MAGOHB: variants seen among roughly 807,000 people sequenced by gnomAD.
MAGOHB encodes the protein mago homolog B, exon junction complex subunit, also known as protein mago nashi homolog 2.
A neutral mutation model predicts 20.9 loss-of-function variants in MAGOHB; 15 were observed. The ratio of observed to expected loss-of-function variants is 0.72; its 90% CI spans 0.48 to 1.11. MAGOHB has a LOEUF of 1.11. Ranked by LOEUF, MAGOHB falls within the 50% of genes least tolerant of loss-of-function variation. The pLI is 0.00. For missense variants in MAGOHB, 162 were observed against 177.6 expected (o/e 0.91, Z 0.50); for synonymous variants, 50 against 57.9 (o/e 0.86, Z 0.62).
At chr12:10,609,540 AAC>A (rs1865685884) in intron 3 of MAGOHB, 1 of 424,370 alleles carries the variant, frequency 2.4e-6, no homozygotes, top group Non-Finnish European at 4.4e-6. Flanking sequence ...AAAAGTGATT[AAC>A]ACACAACAGA....
intron 3 of MAGOHB, chr12:10,608,676 T>C (rs139723660): frequency 1.3e-5 from 2 of 151,452 alleles, no homozygotes; most frequent in East Asian, 1.9e-4. Context: ...TTTCCCTATA[T>C]TGTTTATCTG....
chr12:10,610,529 A>AATTG (rs1865706919), intron 2 of MAGOHB, 93 bp downstream of exon 2: 5 of 1,346,944 alleles, frequency 3.7e-6, no homozygotes, highest in Non-Finnish European at 4.9e-6. Context: ...ATAGCCTTAG[A>AATTG]TGTACTTTTT....
Position 10,607,851 on chromosome 12 carries a change from T to C in MAGOHB, c.347+3A>G, listed in dbSNP as rs775431565. On this transcript the variant is annotated splice_donor_region_variant and intron_variant, in intron 4 of 4. Transcript: ENST00000320756. ...CTTCGCCAAAATGCTTTAACATACTTACTTTGACTGATTTACATCAATAAG... is the reference window on the plus strand; with the variant it reads ...CTTCGCCAAAATGCTTTAACATACTCACTTTGACTGATTTACATCAATAAG... 3 of 1,547,378 alleles carry C rather than the reference T, an allele frequency of 1.9e-6. No homozygotes were observed. The highest frequency in any genetic ancestry group is 2.7e-6 in the Non-Finnish European group (3 of 1,127,270).
downstream of MAGOHB, among the ~76,000 whole-genome samples, chr12:10,602,469 A>G (rs1865562787): frequency 6.6e-6 from 1 of 152,220 alleles, no homozygotes; most frequent in Admixed American, 6.5e-5. Flanking sequence ...GGAAAACACA[A>G]TCAGCACCAG....
intron 2 of MAGOHB, among the ~76,000 whole-genome samples, chr12:10,610,258 C>A (rs1176803641): frequency 3.3e-5 from 5 of 152,098 alleles, no homozygotes; most frequent in African/African-American, 1.2e-4. Flanking sequence ...ATAAGGTGAA[C>A]TGTAATAAAT....
intron 1 of MAGOHB, chr12:10,612,685 CA>C (rs929773321): frequency 4.3e-6 from 5 of 1,154,236 alleles, no homozygotes; most frequent in South Asian, 3.6e-5. Flanking sequence ...AACGTGCATT[CA>C]AAAAAACCCA....
At position 10,606,204 on chromosome 12, in the gene MAGOHB, C is replaced by T; in HGVS notation, c.*71G>A. On this transcript the variant is annotated 3_prime_UTR_variant, in exon 5 of 5. Transcript: ENST00000320756. ...GTTTGCTTCACATTCATAAAAACCC[C>T]AATACTGTAAATGACAAATAACCCC... 3 of 834,614 alleles carry T rather than the reference C, an allele frequency of 3.6e-6. No individual in the cohort carries two copies. Among genetic ancestry groups the T allele is most frequent in the East Asian group, 2.9e-5 (1 of 35,080 alleles). 51.7% of individuals were successfully genotyped at this position (834,614 alleles called of 1,614,324 possible). A position where few individuals can be genotyped will look rare whatever the true frequency, so the allele number is the denominator to read the frequency against.
intron 3 of MAGOHB, 47 bp from the exon 4 acceptor site, chr12:10,607,983 A>T (rs1297298191): frequency 1.7e-6 from 2 of 1,173,984 alleles, no homozygotes; most frequent in Non-Finnish European, 1.2e-6. Context: ...AATCTATCCC[A>T]GAGGTATCTG....
chr12:10,609,899 T>C lies in MAGOHB; in HGVS notation c.196A>G (p.Ile66Val). 6.2e-7 allele frequency: 1 copy of C among 1,612,580 alleles called. No individual in the cohort carries two copies. The highest frequency in any genetic ancestry group is 1.1e-5 in the South Asian group (1 of 90,652). Residue 66 changes from isoleucine (I) to valine (V), a missense_variant, in exon 3 of 5, where the codon ATT becomes GTT. Ile to Val is a conservative substitution (Grantham distance 29). Coordinates refer to ENST00000320756, the MANE Select transcript of MAGOHB (RefSeq NM_018048.5). ...TCTTTTGTAATTTCACTGTCATCAA[T>C]AATTCTCTTCAGTTCTTCCATTACA... ...KSVMEELKRI[I>V]DDSEITKEDD...
At chr12:10,612,902 G>A (rs561728719) in intron 1 of MAGOHB, 2 of 1,289,062 alleles carry the variant, frequency 1.6e-6, no homozygotes. Flanking sequence ...CAAGAGTGCC[G>A]TCCTCTAAGA....
chr12:10,608,109 A>T, intron 3 of MAGOHB, 173 bp from the exon 4 acceptor site: 1 of 493,880 alleles, frequency 2.0e-6, no homozygotes, highest in Non-Finnish European at 3.5e-6. Flanking sequence ...TATATCCTTA[A>T]AATAAAGACT....
downstream of MAGOHB, among the ~76,000 whole-genome samples, chr12:10,602,481 A>C (rs1865562856): frequency 1.3e-5 from 2 of 152,230 alleles, no homozygotes; most frequent in Admixed American, 6.5e-5. Context: ...CAGCACCAGA[A>C]GATAACAGTA....
chr12:10,605,043 G>A lies in MAGOHB; in HGVS notation c.*1232C>T, dbSNP rs1420548655. The A allele has an allele frequency of 5.9e-5, 9 of 152,296 alleles. No individual in the cohort carries two copies. The East Asian group carries it at 1.7e-3, about 29-fold the overall frequency. 9.4% of individuals were successfully genotyped at this position (152,296 alleles called of 1,614,324 possible). ...ATAGAGATATTACAGTAAAAAAGAT[G>A]TTAAGTATAGAATCTAGGTAGGGGT... On this transcript the variant is annotated 3_prime_UTR_variant, in exon 5 of 5. Coordinates refer to ENST00000320756, the MANE Select transcript of MAGOHB (RefSeq NM_018048.5).
chr12:10,605,040 G>C lies in MAGOHB; in HGVS notation c.*1235C>G, dbSNP rs1458423910. 1 of 152,144 alleles carries C rather than the reference G, an allele frequency of 6.6e-6. No individual in the cohort carries two copies. The highest frequency in any genetic ancestry group is 2.4e-5 in the African/African-American group (1 of 41,422). The allele number at this position is 152,144 out of a possible 1,614,324, so 9.4% of individuals were successfully genotyped here. A position where few individuals can be genotyped will look rare whatever the true frequency, so the allele number is the denominator to read the frequency against. Reference sequence around the variant, plus strand: ...ATAATAGAGATATTACAGTAAAAAAGATGTTAAGTATAGAATCTAGGTAGG... The same window carrying C: ...ATAATAGAGATATTACAGTAAAAAACATGTTAAGTATAGAATCTAGGTAGG... On this transcript the variant is annotated 3_prime_UTR_variant, in exon 5 of 5. Coordinates refer to ENST00000320756, the MANE Select transcript of MAGOHB (RefSeq NM_018048.5).
At chr12:10,612,352 C>A (rs539485848) in intron 1 of MAGOHB, among the ~76,000 whole-genome samples, 1 of 152,082 alleles carries the variant, frequency 6.6e-6, no homozygotes, top group African/African-American at 2.4e-5. Context: ...GAGCTGAGAT[C>A]GTGCCACTGC....
chr12:10,606,339 A>C lies in MAGOHB; in HGVS notation c.383T>G (p.Val128Gly). 1 of 1,581,900 alleles carries C rather than the reference A, an allele frequency of 6.3e-7. No homozygotes were observed. Among genetic ancestry groups the C allele is most frequent in the Non-Finnish European group, 8.6e-7 (1 of 1,162,628 alleles). The change falls in exon 5 of 5, where the codon GTA (valine) becomes GGA (glycine). Residue 128 changes from valine to glycine, a missense_variant. By Grantham distance (109) the Val-to-Gly change is moderately radical. Coordinates refer to ENST00000320756, the MANE Select transcript of MAGOHB (RefSeq NM_018048.5). ...PEGLRVFYYL[V>G]QDLKCLVFSL... ...GAAAACTAAACATTTCAAGTCTTGT[A>C]CCAAATAGTAAAATACTCGAAGGCC...
At chr12:10,611,494 C>G (rs1346832441) in intron 1 of MAGOHB, among the ~76,000 whole-genome samples, 1 of 151,914 alleles carries the variant, frequency 6.6e-6, no homozygotes, top group Non-Finnish European at 1.5e-5. Flanking sequence ...TGCCTGTAAT[C>G]CCAGCAATTT....
At chr12:10,609,805 C>T in intron 3 of MAGOHB, 26 bp downstream of exon 3, 1 of 1,345,030 alleles carries the variant, frequency 7.4e-7, no homozygotes, top group Non-Finnish European at 1.1e-6. Context: ...AATATTTATA[C>T]ACTTAAAGAA....
At chr12:10,611,212 ATT>A (rs901698102) in intron 1 of MAGOHB, among the ~76,000 whole-genome samples, 7 of 152,104 alleles carry the variant, frequency 4.6e-5, no homozygotes, top group African/African-American at 7.2e-5. Flanking sequence ...TCTTTTAAAA[ATT>A]TTTTTCCTTC....
Sources: allele counts gnomAD v4.1 joint callset (sites outside exome capture counted in the v4.1 genomes callset), GRCh38; gene constraint gnomAD v4.1.1; transcripts MANE v1.5; gene names NCBI Gene and HGNC (gene_info 2026-07-23, HGNC 2026-07-21).